API5: variants seen among roughly 807,000 people sequenced by gnomAD.
The protein encoded by API5 is apoptosis inhibitor 5.
API5 carries 6 observed loss-of-function variants against 71.9 expected under a neutral mutation model. That is an observed-to-expected ratio of 0.08 (90% CI 0.05 to 0.16). The LOEUF is 0.16. Among genes scored for constraint, API5 ranks in the 10% least tolerant of loss-of-function variants. API5 has a pLI of 1.00. For synonymous variants in API5, 189 were observed against 221.3 expected (o/e 0.85, Z 1.30); for missense variants, 332 against 612.8 (o/e 0.54, Z 4.84).
In API5 at chr11:43,326,476, C is replaced by T. The variant is rs538009938; in HGVS notation, c.751-31C>T. 6.3e-5 allele frequency: 85 copies of T among 1,351,208 alleles called. No homozygotes were observed. The Admixed American group carries it at 1.3e-3, about 21-fold the overall frequency. 83.7% of individuals were successfully genotyped at this position (1,351,208 alleles called of 1,614,324 possible). On this transcript the variant is annotated intron_variant, in intron 6 of 13. Coordinates refer to ENST00000531273, the MANE Select transcript of API5 (RefSeq NM_001142930.2). ...AATATTTGAGCGAATATTTGTTTTT[C>T]GACAATGCATTTTCTTTGGATTTCT...
intron 13 of API5, chr11:43,336,208 C>T (rs536873580): frequency 5.6e-5 from 29 of 516,478 alleles, no homozygotes; most frequent in Middle Eastern, 5.8e-4. Context: ...CAACATTAAA[C>T]AGTAAGCACT....
intron 1 of API5, among the ~76,000 whole-genome samples, chr11:43,316,170 G>T: frequency 6.6e-6 from 1 of 152,100 alleles, no homozygotes; most frequent in African/African-American, 2.4e-5. Context: ...AACCAAGTTC[G>T]TAATCCCTCA....
At chr11:43,312,283 G>A (rs1024561475) in intron 1 of API5, 87 bp downstream of exon 1, 2 of 1,448,542 alleles carry the variant, frequency 1.4e-6, no homozygotes. Context: ...GGGCCGAGCG[G>A]GGGCTGCGGC....
chr11:43,315,937 A>G (rs535120520), intron 1 of API5, among the ~76,000 whole-genome samples: 25 of 152,324 alleles, frequency 1.6e-4, no homozygotes, highest in African/African-American at 5.8e-4. Flanking sequence ...TTATGTAGTC[A>G]AAATCTTAAA....
intron 12 of API5, 45 bp from the exon 13 acceptor site, chr11:43,335,813 G>A: frequency 6.4e-7 from 1 of 1,558,702 alleles, no homozygotes; most frequent in South Asian, 1.2e-5. Context: ...ATAGCTTTTG[G>A]CTTAATAGAA....
At chr11:43,327,419 T>C (rs1345735841) in intron 7 of API5, among the ~76,000 whole-genome samples, 2 of 152,256 alleles carry the variant, frequency 1.3e-5, no homozygotes, top group Non-Finnish European at 2.9e-5. Context: ...AGTGTGTCTT[T>C]ATAGTTAATA....
chr11:43,341,020 T>C (rs1855593421), intron 13 of API5, among the ~76,000 whole-genome samples: 2 of 152,188 alleles, frequency 1.3e-5, no homozygotes, highest in Non-Finnish European at 2.9e-5. Flanking sequence ...ATTTGTAAAC[T>C]ACTCATGCAA....
chr11:43,319,917 C>A (rs1011574048), intron 2 of API5, among the ~76,000 whole-genome samples: 2 of 152,048 alleles, frequency 1.3e-5, no homozygotes, highest in Non-Finnish European at 2.9e-5. Flanking sequence ...CTAACAGTTG[C>A]ATATAATTAG....
chr11:43,339,371 GCTCT>G (rs1348312274), intron 13 of API5: 2 of 152,124 alleles, frequency 1.3e-5, no homozygotes, highest in Non-Finnish European at 2.9e-5. Context: ...GCAAAACCAA[GCTCT>G]CTCTATTGTT....
intron 2 of API5, chr11:43,319,027 G>A (rs370167799): frequency 4.2e-5 from 19 of 449,772 alleles, no homozygotes; most frequent in African/African-American, 1.2e-4. Context: ...ACTTAGTTTC[G>A]CTTATCATTT....
chr11:43,313,195 G>A (rs1367321566), intron 1 of API5, among the ~76,000 whole-genome samples: 1 of 152,066 alleles, frequency 6.6e-6, no homozygotes, highest in East Asian at 1.9e-4. Flanking sequence ...GCGAAGGAGA[G>A]TGTGAGTGCG....
At chr11:43,341,601 G>A (rs1855617341) in intron 13 of API5, among the ~76,000 whole-genome samples, 3 of 152,234 alleles carry the variant, frequency 2.0e-5, no homozygotes, top group Admixed American at 2.0e-4. Flanking sequence ...GGGGAAGGAA[G>A]GGATAGGGAG....
rs1854483799 is a variant in API5, at chr11:43,312,002, G to A, written c.-126G>A. 9.2e-7 allele frequency: 1 copy of A among 1,089,664 alleles called. No individual in the cohort carries two copies. Among genetic ancestry groups the A allele is most frequent in the East Asian group, 2.6e-5 (1 of 38,734 alleles). 67.5% of individuals were successfully genotyped at this position (1,089,664 alleles called of 1,614,324 possible). On this transcript the variant is annotated 5_prime_UTR_variant, in exon 1 of 14. Coordinates refer to ENST00000531273, the MANE Select transcript of API5 (RefSeq NM_001142930.2). ...CGCAGCCGCGCTGTGCGCGGTGACT[G>A]GCGGCTGCACTGGCGGCAGCTGGAG...
intron 6 of API5, among the ~76,000 whole-genome samples, chr11:43,324,420 G>A (rs1471757813): frequency 3.3e-5 from 5 of 152,020 alleles, no homozygotes; most frequent in Non-Finnish European, 5.9e-5. Flanking sequence ...CATCTTCTGG[G>A]ATGTGCATAC....
chr11:43,340,191 C>T, intron 13 of API5: 1 of 339,194 alleles, frequency 2.9e-6, no homozygotes, highest in Non-Finnish European at 5.7e-6. Context: ...TTTATAATAG[C>T]TGTGAAAAAA....
chr11:43,318,809 T>G lies in API5; in HGVS notation c.231+8T>G, dbSNP rs1250894169. ...GAGGATGAAGATGTATCTGTAAGTT[T>G]ATGAATGACACTTCATAGCAATCTT... is the stretch of plus-strand genomic sequence containing the variant. On this transcript the variant is annotated splice_region_variant and intron_variant, in intron 2 of 13. Coordinates refer to ENST00000531273, the MANE Select transcript of API5 (RefSeq NM_001142930.2). 1 of 1,609,128 alleles carries G rather than the reference T, an allele frequency of 6.2e-7. No homozygotes were observed. The highest frequency in any genetic ancestry group is 1.3e-5 in the African/African-American group (1 of 74,868).
intron 12 of API5, 68 bp downstream of exon 12, chr11:43,335,422 A>G: frequency 1.1e-6 from 1 of 930,316 alleles, no homozygotes; most frequent in African/African-American, 1.6e-5. Context: ...TTACTGTTCA[A>G]AAGGGTGCAA....
At chr11:43,312,652 G>C (rs543397879) in intron 1 of API5, among the ~76,000 whole-genome samples, 4 of 152,282 alleles carry the variant, frequency 2.6e-5, no homozygotes, top group South Asian at 2.1e-4. Context: ...GGAGACAGAA[G>C]TTTGTGAGAA....
At chr11:43,319,022 G>T in intron 2 of API5, 1 of 459,090 alleles carries the variant, frequency 2.2e-6, no homozygotes, top group East Asian at 3.4e-5. Flanking sequence ...AAAATACTTA[G>T]TTTCGCTTAT....
Sources: allele counts gnomAD v4.1 joint callset (sites outside exome capture counted in the v4.1 genomes callset), GRCh38; gene constraint gnomAD v4.1.1; transcripts MANE v1.5; gene names NCBI Gene and HGNC (gene_info 2026-07-23, HGNC 2026-07-21).